BICRA: variants seen among roughly 807,000 people sequenced by gnomAD.
BICRA encodes the protein BRD4-interacting chromatin-remodeling complex-associated protein.
In BICRA, 31 loss-of-function variants were observed where a neutral mutation model predicts 96.9. The observed-to-expected ratio is 0.32, with a 90% CI of 0.24 to 0.43. The LOEUF is 0.43. Ranked by LOEUF, BICRA falls within the 20% of genes least tolerant of loss-of-function variation. BICRA has a pLI of 1.00. For synonymous variants in BICRA, 1,350 were observed against 1,071.8 expected (o/e 1.26, Z -5.07); for missense variants, 2,283 against 2,190.3 (o/e 1.04, Z -0.84).
rs1182191029 is a variant in BICRA at position 47,675,624 on chromosome 19, A to G, written c.85-227A>G. Among the ~76,000 whole-genome samples the G allele has an allele frequency of 6.6e-6, 1 of 152,202 alleles. No homozygotes were observed. Among genetic ancestry groups the G allele is most frequent in the East Asian group, 1.9e-4 (1 of 5,188 alleles). ...GGCAGTCACAGCAGGATCGCTTCGC[A>G]GGCCAGGCTCGGGGACTCAGTGCTG... On this transcript the variant is annotated intron_variant, in intron 4 of 14. Coordinates refer to ENST00000594866, the MANE Select transcript of BICRA (RefSeq NM_001394372.1). The surrounding 1 kb of genome is among the most constrained non-coding windows in gnomAD (Gnocchi z 4.7).
At position 47,680,082 on chromosome 19, in the gene BICRA, C is replaced by A; in HGVS notation, c.912C>A (p.Asn304Lys). The change falls in exon 6 of 15, where the codon AAC becomes AAA. Residue 304 changes from asparagine (N) to lysine (K), a missense_variant. Coordinates refer to ENST00000594866, the MANE Select transcript of BICRA (RefSeq NM_001394372.1). The stretch of plus-strand genomic sequence containing the variant: ...CTGTGGCCACCACGCTCAATGGGAA[C>A]TCTGTGTTCGGAGGCGCGGGGGCCG... The part of the protein sequence containing the change: ...SAAVATTLNG[N>K]SVFGGAGAAS... 1 of 1,563,066 alleles carries A rather than the reference C, an allele frequency of 6.4e-7. No homozygotes were observed. Among genetic ancestry groups the A allele is most frequent in the Admixed American group, 1.8e-5 (1 of 54,464 alleles).
intron 1 of BICRA, among the ~76,000 whole-genome samples, chr19:47,627,009 A>G (rs1200447592): frequency 6.6e-6 from 1 of 152,028 alleles, no homozygotes; most frequent in Non-Finnish European, 1.5e-5. Context: ...GGCGTGAGCC[A>G]CCGCGCTTGG....
chr19:47,637,901 T>C (rs1043355172), intron 1 of BICRA, among the ~76,000 whole-genome samples: 23 of 152,356 alleles, frequency 1.5e-4, no homozygotes, highest in African/African-American at 5.0e-4. Flanking sequence ...AATATTCCAC[T>C]GGATGGATGG....
rs754360803 is a variant in BICRA at position 47,694,496 on chromosome 19, GCCT to G, written c.2673_2675del (p.Ser892del). On this transcript the variant is annotated inframe_deletion, in exon 8 of 15. Coordinates refer to ENST00000594866, the MANE Select transcript of BICRA (RefSeq NM_001394372.1). ...TCCATCCTCCACCTCCTCTGCTGTG[GCCT>G]CCTCCTCTGAGACGTCCTCCAGGTT... 1.9e-6 allele frequency: 3 copies of G among 1,582,176 alleles called. No homozygotes were observed. Among genetic ancestry groups the G allele is most frequent in the Non-Finnish European group, 1.7e-6 (2 of 1,158,004 alleles).
intron 1 of BICRA, among the ~76,000 whole-genome samples, chr19:47,656,069 GACACACACACACACAC>G (rs60179476): frequency 4.5e-5 from 6 of 132,240 alleles, no homozygotes; most frequent in African/African-American, 8.7e-5. Context: ...ATCCTGTCTC[GACACACACACACACAC>G]ACACACACAC....
In BICRA at chr19:47,675,937, T is replaced by C. The variant is rs1280281246; in HGVS notation, c.150+21T>C. 2 of 1,569,812 alleles carry C rather than the reference T, an allele frequency of 1.3e-6. No homozygotes were observed. Among genetic ancestry groups the C allele is most frequent in the Middle Eastern group, 1.7e-4 (1 of 5,968 alleles). On this transcript the variant is annotated intron_variant, in intron 5 of 14. Transcript: ENST00000594866. This position sits in a 1 kb window ranked among gnomAD's most constrained non-coding sequence, Gnocchi z 4.7. ...CTGGGGTAAGTGCCGTGGCTCCCGA[T>C]CATTGCCTGAGCTGTTGGGGCTGCC...
chr19:47,656,214 A>G (rs958947698), intron 1 of BICRA, among the ~76,000 whole-genome samples: 3 of 151,936 alleles, frequency 2.0e-5, no homozygotes, highest in Admixed American at 6.6e-5. Context: ...AGTTCTTTTC[A>G]CACCACTGCA....
rs200264419 is a variant in BICRA, at chr19:47,702,391, C to G, written c.4659C>G (p.Leu1553=). 7.8e-5 allele frequency: 118 copies of G among 1,516,834 alleles called. No homozygotes were observed. Among genetic ancestry groups the G allele is most frequent in the Non-Finnish European group, 9.7e-5 (111 of 1,145,398 alleles). The allele number at this position is 1,516,834 out of a possible 1,614,324, so 94.0% of individuals were successfully genotyped here. A position where few individuals can be genotyped will look rare whatever the true frequency, so the allele number is the denominator to read the frequency against. The part of the protein sequence containing the change: ...AYPPSSHNGG[L]GARTLTR ...CACCCTCCAGTCACAACGGTGGCCT[C>G]GGCGCCAGGACGTTGACCAGATAAC... Residue 1553 remains leucine, a synonymous_variant, in exon 15 of 15, where the codon CTC becomes CTG. Coordinates refer to ENST00000594866, the MANE Select transcript of BICRA (RefSeq NM_001394372.1).
chr19:47,618,352 G>T (rs4801726), intron 1 of BICRA, among the ~76,000 whole-genome samples: 70,940 of 151,892 alleles, frequency 0.47, 17,009 homozygotes, highest in East Asian at 0.53. Context: ...TTTAGTCCAG[G>T]TTAGAGAACT....
At chr19:47,692,532 A>G (rs1973256956) in intron 7 of BICRA, among the ~76,000 whole-genome samples, 1 of 152,138 alleles carries the variant, frequency 6.6e-6, no homozygotes, top group African/African-American at 2.4e-5. Flanking sequence ...GCCCGGCCGA[A>G]TATTCTTCAT....
Position 47,609,345 on chromosome 19 carries a change from C to A in BICRA, c.-108+177C>A, listed in dbSNP as rs1404103071. On this transcript the variant is annotated intron_variant, in intron 1 of 14. Coordinates refer to ENST00000594866, the MANE Select transcript of BICRA (RefSeq NM_001394372.1). ...CCCCCGCGACACTCTCACACTCAGC[C>A]CCCCAGCCGGGGCGCAGCGCCCGCT... Among the ~76,000 whole-genome samples, 4 of 148,276 alleles carry A rather than the reference C, an allele frequency of 2.7e-5. No individual in the cohort carries two copies. In the East Asian group the frequency reaches 8.0e-4, roughly 30 times the overall value.
In BICRA at chr19:47,694,374, G is replaced by C. The variant is rs770401233; in HGVS notation, c.2543G>C (p.Ser848Thr). 15 of 1,255,982 alleles carry C rather than the reference G, an allele frequency of 1.2e-5. No homozygotes were observed. The South Asian group carries it at 1.7e-4, about 14-fold the overall frequency. The allele number at this position is 1,255,982 out of a possible 1,614,324, so 77.8% of individuals were successfully genotyped here. A position where few individuals can be genotyped will look rare whatever the true frequency, so the allele number is the denominator to read the frequency against. Residue 848 changes from serine to threonine, a missense_variant, in exon 8 of 15, where the codon AGC becomes ACC. Ser to Thr is a moderately conservative substitution (Grantham distance 58). Coordinates refer to ENST00000594866, the MANE Select transcript of BICRA (RefSeq NM_001394372.1). ...CAGCTAGGCGTTCCCCCGCCTGCCA[G>C]CAACCCGGCCCCTACTGCCCCAGGC... is the stretch of plus-strand genomic sequence containing the variant. Reference protein sequence around the residue: ...QNQLGVPPPASNPAPTAPGPP... With the variant: ...QNQLGVPPPATNPAPTAPGPP...
chr19:47,636,998 A>G (rs1180884471), intron 1 of BICRA, among the ~76,000 whole-genome samples: 1 of 152,044 alleles, frequency 6.6e-6, no homozygotes, highest in Non-Finnish European at 1.5e-5. Flanking sequence ...TCCTTAGTCA[A>G]GCCTGCTCTT....
At position 47,680,769 on chromosome 19, in the gene BICRA, C is replaced by G. The variant is rs759601232; in HGVS notation, c.1599C>G (p.His533Gln). The change falls in exon 6 of 15, where the codon CAC becomes CAG. Residue 533 changes from histidine to glutamine, a missense_variant. Coordinates refer to ENST00000594866, the MANE Select transcript of BICRA (RefSeq NM_001394372.1). ...GCCTGGGCCCCGTGTTGGCCCCCCA[C>G]TCCGGGGCCCACAGCGCGCACATCC... Reference protein sequence around the residue: ...PLSLGPVLAPHSGAHSAHILS... With the variant: ...PLSLGPVLAPQSGAHSAHILS... 10 of 1,610,010 alleles carry G rather than the reference C, an allele frequency of 6.2e-6. No individual in the cohort carries two copies. The highest frequency in any genetic ancestry group is 8.5e-6 in the Non-Finnish European group (10 of 1,178,852).
chr19:47,649,483 G>T lies in BICRA; in HGVS notation c.-107-20960G>T, dbSNP rs375213108. On this transcript the variant is annotated intron_variant, in intron 1 of 14. Coordinates refer to ENST00000594866, the MANE Select transcript of BICRA (RefSeq NM_001394372.1). ...CTCTGCCTCGAAGATCTTGTGTCCT[G>T]CCTGGAGACACTTCACTTCCCCACT... 8.5e-5 allele frequency among the ~76,000 whole-genome samples: 13 copies of T among 152,274 alleles called. No individual in the cohort carries two copies. In the South Asian group the frequency reaches 2.7e-3, roughly 32 times the overall value.
Position 47,699,424 on chromosome 19 carries a change from A to T in BICRA, c.3595+19A>T. ...AAGCCGGGTGAGAGGGGGGAGTGAG[A>T]GGGGAGGGGAGGGAGAGGTGCCCCC... is the stretch of plus-strand genomic sequence containing the variant. On this transcript the variant is annotated intron_variant, in intron 14 of 14. Transcript: ENST00000594866. This position sits in a 1 kb window ranked among gnomAD's most constrained non-coding sequence, Gnocchi z 5.0. 4 of 1,186,814 alleles carry T rather than the reference A, an allele frequency of 3.4e-6. No individual in the cohort carries two copies. Among genetic ancestry groups the T allele is most frequent in the Non-Finnish European group, 3.7e-6 (3 of 815,050 alleles). 73.5% of individuals were successfully genotyped at this position (1,186,814 alleles called of 1,614,324 possible). A position where few individuals can be genotyped will look rare whatever the true frequency, so the allele number is the denominator to read the frequency against.
rs2123617699 is a variant in BICRA, at chr19:47,701,976, C to T, written c.4244C>T (p.Ala1415Val). ...GGCAGGGCACGGGGAGGCAGCCCGG[C>T]GCCGCTGCCCGCCAAAGTGGACGAG... is the stretch of plus-strand genomic sequence containing the variant. ...PAGRARGGSP[A>V]PLPAKVDEAT... The change falls in exon 15 of 15, where the codon GCG becomes GTG. Residue 1415 changes from alanine to valine, a missense_variant. Physicochemically the swap from Ala to Val is moderately conservative, Grantham distance 64. Coordinates refer to ENST00000594866, the MANE Select transcript of BICRA (RefSeq NM_001394372.1). The surrounding 1 kb of genome is among the most constrained non-coding windows in gnomAD (Gnocchi z 5.4). The T allele has an allele frequency of 2.7e-6, 4 of 1,467,810 alleles. No homozygotes were observed. The highest frequency in any genetic ancestry group is 5.7e-5 in the East Asian group (2 of 34,802). 90.9% of individuals were successfully genotyped at this position (1,467,810 alleles called of 1,614,324 possible).
Position 47,701,213 on chromosome 19 carries a change from A to G in BICRA, c.3596-115A>G, listed in dbSNP as rs746327769. The G allele has an allele frequency of 1.1e-4, 78 of 712,974 alleles. No homozygotes were observed. Among genetic ancestry groups the G allele is most frequent in the Middle Eastern group, 2.3e-4 (1 of 4,316 alleles). 44.2% of individuals were successfully genotyped at this position (712,974 alleles called of 1,614,324 possible). On this transcript the variant is annotated intron_variant, in intron 14 of 14. Coordinates refer to ENST00000594866, the MANE Select transcript of BICRA (RefSeq NM_001394372.1). The surrounding 1 kb of genome is among the most constrained non-coding windows in gnomAD (Gnocchi z 5.4). Reference sequence around the variant, plus strand: ...GCCTATCCTGAGGATTGGAGGGTCCAGGGTGCAGTCTGGTGCCTGGCAGGT... The same window carrying G: ...GCCTATCCTGAGGATTGGAGGGTCCGGGGTGCAGTCTGGTGCCTGGCAGGT...
intron 1 of BICRA, among the ~76,000 whole-genome samples, chr19:47,644,026 C>T (rs138175481): frequency 6.6e-6 from 1 of 152,026 alleles, no homozygotes; most frequent in African/African-American, 2.4e-5. Context: ...TTATTTATTT[C>T]TTTATTTTTT....
Sources: gnomAD v4.1 joint callset for allele counts (sites outside exome capture counted in the v4.1 genomes callset) on GRCh38, gnomAD v4.1.1 for gene constraint, Gnocchi (gnomAD v3.1) non-coding constraint, MANE v1.5 for transcripts, NCBI Gene and HGNC (gene_info 2026-07-23, HGNC 2026-07-21) for gene names.